EEA1: variants seen among roughly 807,000 people sequenced by gnomAD.
The protein encoded by EEA1 is early endosome antigen 1, 162kD.
Under a neutral mutation model 209.2 loss-of-function variants are expected in EEA1, and 111 were observed. The observed-to-expected ratio is 0.53, with a 90% CI of 0.45 to 0.62. The LOEUF is 0.62. EEA1 is among the 20% of genes least tolerant of loss of function. The pLI, the probability that EEA1 is intolerant of heterozygous loss-of-function variation, is 0.00. For synonymous variants in EEA1, 536 were observed against 540.6 expected, an observed-to-expected ratio of 0.99 and a Z score of 0.12; for missense variants, 1,343 against 1,530.8, an observed-to-expected ratio of 0.88 and a Z score of 2.05.
At chr12:92,909,413 A>G (rs534906252) in intron 1 of EEA1, among the ~76,000 whole-genome samples, 14 of 152,382 alleles carry the variant, frequency 9.2e-5, no homozygotes, top group African/African-American at 3.1e-4. Flanking sequence ...TTTTCACATC[A>G]GCAAAACACA....
chr12:92,855,243 T>A (rs1036905114), intron 5 of EEA1, among the ~76,000 whole-genome samples: 1 of 123,892 alleles, frequency 8.1e-6, no homozygotes, highest in African/African-American at 3.0e-5. Flanking sequence ...TCCTGGCTAA[T>A]ATGGTGAAAC....
rs1873449622 is a variant in EEA1 at position 92,772,018 on chromosome 12, G to A, written c.*3993C>T. The A allele has an allele frequency of 6.6e-6, 1 of 151,832 alleles. No homozygotes were observed. Among genetic ancestry groups the A allele is most frequent in the African/African-American group, 2.4e-5 (1 of 41,378 alleles). 9.4% of individuals were successfully genotyped at this position (151,832 alleles called of 1,614,324 possible). On this transcript the variant is annotated 3_prime_UTR_variant, in exon 29 of 29. Transcript: ENST00000322349. ...CACATTAAACTCTTTGGAGGGTTTA[G>A]AATGAAGCACATTCGAATGAAGGGA...
At chr12:92,853,816 A>C in intron 6 of EEA1, 99 bp downstream of exon 6, 22 of 1,075,842 alleles carry the variant, frequency 2.0e-5, no homozygotes, top group Non-Finnish European at 3.0e-5. Context: ...AAGCATAACC[A>C]TGAAACAAAA....
chr12:92,810,650 T>A lies in EEA1; in HGVS notation c.2199+629A>T, dbSNP rs9645785. On this transcript the variant is annotated intron_variant, in intron 17 of 28. Coordinates refer to ENST00000322349, the MANE Select transcript of EEA1 (RefSeq NM_003566.4). The stretch of plus-strand genomic sequence containing the variant: ...GTTTAACTGATAGTAGCTCAATTTT[T>A]AAAAATTTTTTTTTTTTTTATTTTT... 6.6e-3 allele frequency among the ~76,000 whole-genome samples: 998 copies of A among 151,766 alleles called. 3 individuals are homozygous for A. The highest frequency in any genetic ancestry group is 9.6e-3 in the Admixed American group (146 of 15,230).
At chr12:92,898,807 G>C (rs1565856408) in intron 1 of EEA1, among the ~76,000 whole-genome samples, 1 of 127,058 alleles carries the variant, frequency 7.9e-6, no homozygotes, top group Non-Finnish European at 1.6e-5. Context: ...TGAACTCCTA[G>C]GCTCAAGTGA....
intron 3 of EEA1, chr12:92,858,558 C>G: frequency 1.3e-6 from 1 of 769,630 alleles, no homozygotes; most frequent in South Asian, 1.4e-5. Flanking sequence ...TCTTAGCATA[C>G]AAGCTTAAAG....
chr12:92,880,694 C>T (rs1379775691), intron 2 of EEA1, among the ~76,000 whole-genome samples: 1 of 152,100 alleles, frequency 6.6e-6, no homozygotes, highest in Admixed American at 6.6e-5. Flanking sequence ...CCAGGATGGT[C>T]TCGATCTCCT....
intron 2 of EEA1, among the ~76,000 whole-genome samples, chr12:92,868,822 CT>C (rs11288330): frequency 0.094 from 14,345 of 152,074 alleles, 792 homozygotes; most frequent in South Asian, 0.19. Context: ...TGTCTAATAC[CT>C]CCAAGACATA....
chr12:92,804,784 C>A, intron 18 of EEA1, among the ~76,000 whole-genome samples: 1 of 151,940 alleles, frequency 6.6e-6, no homozygotes, highest in Non-Finnish European at 1.5e-5. Context: ...AAAAGGGGAG[C>A]CCTGTATCCT....
intron 13 of EEA1, among the ~76,000 whole-genome samples, chr12:92,824,706 A>C (rs1876213930): frequency 6.6e-6 from 1 of 152,156 alleles, no homozygotes; most frequent in African/African-American, 2.4e-5. Flanking sequence ...TGGCCTCCCC[A>C]AAACACTTCC....
intron 7 of EEA1, 79 bp from the exon 8 acceptor site, chr12:92,852,375 T>A: frequency 4.4e-6 from 4 of 900,386 alleles, no homozygotes; most frequent in Non-Finnish European, 6.2e-6. Context: ...TCTGCATATC[T>A]GTATATCACT....
At chr12:92,818,098 T>G (rs1000809478) in intron 14 of EEA1, among the ~76,000 whole-genome samples, 1 of 152,192 alleles carries the variant, frequency 6.6e-6, no homozygotes, top group Non-Finnish European at 1.5e-5. Flanking sequence ...AGTGAATTCC[T>G]AAGCAGATTT....
chr12:92,835,272 A>G (rs570715878), intron 10 of EEA1: 10 of 218,842 alleles, frequency 4.6e-5, no homozygotes, highest in Admixed American at 1.7e-4. Context: ...TGGATGGAAC[A>G]TACCTTTTAA....
At chr12:92,846,634 A>G (rs747867406) in intron 9 of EEA1, among the ~76,000 whole-genome samples, 6 of 152,198 alleles carry the variant, frequency 3.9e-5, no homozygotes, top group Non-Finnish European at 8.8e-5. Flanking sequence ...ATACTTTTTA[A>G]CCTTTAAATC....
chr12:92,923,480 A>G (rs753843349), intron 1 of EEA1, among the ~76,000 whole-genome samples: 3 of 152,110 alleles, frequency 2.0e-5, no homozygotes, highest in African/African-American at 4.8e-5. Flanking sequence ...ATACTAAACT[A>G]TATCATGCTC....
intron 18 of EEA1, among the ~76,000 whole-genome samples, chr12:92,804,789 T>A (rs550705684): frequency 2.0e-5 from 3 of 152,236 alleles, no homozygotes; most frequent in Admixed American, 2.0e-4. Context: ...GGGAGCCCTG[T>A]ATCCTGTTAT....
At chr12:92,799,188 T>C in intron 20 of EEA1, 102 bp from the exon 21 acceptor site, 1 of 1,041,878 alleles carries the variant, frequency 9.6e-7, no homozygotes, top group African/African-American at 1.6e-5. Context: ...ATTTGTTCAT[T>C]CAAAAGACAA....
chr12:92,883,266 T>C (rs148376811), intron 2 of EEA1, among the ~76,000 whole-genome samples: 126 of 152,316 alleles, frequency 8.3e-4, no homozygotes, highest in African/African-American at 2.8e-3. Context: ...TTTTTGCTTG[T>C]TCAATTGTTT....
chr12:92,884,828 T>C, intron 2 of EEA1: 1 of 667,530 alleles, frequency 1.5e-6, no homozygotes, highest in South Asian at 1.5e-5. Flanking sequence ...AAAGAAGACC[T>C]GTTTTAGACA....
Sources: allele counts gnomAD v4.1 joint callset (sites outside exome capture counted in the v4.1 genomes callset), GRCh38; gene constraint gnomAD v4.1.1; transcripts MANE v1.5; gene names NCBI Gene and HGNC (gene_info 2026-07-23, HGNC 2026-07-21).